The following UMPS variants were observed in gnomAD, a reference collection of about 807,000 sequenced individuals.
The protein encoded by UMPS is uridine 5'-monophosphate synthase.
UMPS carries 21 observed loss-of-function variants against 38.9 expected under a neutral mutation model. The ratio of observed to expected loss-of-function variants is 0.54; its 90% CI spans 0.38 to 0.78. The LOEUF (loss-of-function observed/expected upper bound fraction) is 0.78. Ranked by LOEUF, UMPS falls within the 30% of genes least tolerant of loss-of-function variation. The pLI, the probability that UMPS is intolerant of heterozygous loss-of-function variation, is 0.00. For missense variants in UMPS, 533 were observed against 591.6 expected (o/e 0.90, Z 1.03); for synonymous variants, 208 against 219.3 (o/e 0.95, Z 0.45).
chr3:124,742,410 A>G (rs1199646619), intron 5 of UMPS, 144 bp downstream of exon 5: 3 of 682,426 alleles, frequency 4.4e-6, no homozygotes, highest in Admixed American at 2.4e-5. Flanking sequence ...TTTGGTAACT[A>G]TGTATCTTTG....
At chr3:124,732,368 G>A (rs767728619) in intron 1 of UMPS, 7 of 154,740 alleles carry the variant, frequency 4.5e-5, no homozygotes, top group Non-Finnish European at 8.8e-5. Flanking sequence ...GTCAATATAA[G>A]GAAAATTTTT....
chr3:124,738,152 A>T lies in UMPS; in HGVS notation c.895A>T (p.Ile299Leu), dbSNP rs1437561179. 11 of 1,614,126 alleles carry T rather than the reference A, an allele frequency of 6.8e-6. No homozygotes were observed. The highest frequency in any genetic ancestry group is 1.3e-5 in the African/African-American group (1 of 74,948). Reference sequence around the variant, plus strand: ...TACTCTGGATGTGATGAAGGAGTTGATAACTCTGGCAAAATGCCATGAGTT... The same window carrying T: ...TACTCTGGATGTGATGAAGGAGTTGTTAACTCTGGCAAAATGCCATGAGTT... ...DFTLDVMKELITLAKCHEFLI... is the reference protein window; with the variant it reads ...DFTLDVMKELLTLAKCHEFLI... The change falls in exon 3 of 6, where the codon ATA (isoleucine) becomes TTA (leucine). Residue 299 changes from isoleucine (I) to leucine (L), a missense_variant. Ile to Leu is a conservative substitution (Grantham distance 5). Coordinates refer to ENST00000232607, the MANE Select transcript of UMPS (RefSeq NM_000373.4).
Position 124,744,774 on chromosome 3 carries a change from C to T in UMPS, c.*690C>T, listed in dbSNP as rs745742931. The T allele has an allele frequency of 8.8e-6, 4 of 454,110 alleles. No homozygotes were observed. The highest frequency in any genetic ancestry group is 6.2e-5 in the South Asian group (4 of 64,470). 28.1% of individuals were successfully genotyped at this position (454,110 alleles called of 1,614,324 possible). ...AAAGTCAGCACAGCTTTTCTTGTGT[C>T]CTGTATTCTCTGTCTAATGTGTTGC... On this transcript the variant is annotated 3_prime_UTR_variant, in exon 6 of 6. Coordinates refer to ENST00000232607, the MANE Select transcript of UMPS (RefSeq NM_000373.4).
At chr3:124,735,027 T>TA (rs1302406095) in intron 1 of UMPS, 66 bp from the exon 2 acceptor site, 3 of 1,431,866 alleles carry the variant, frequency 2.1e-6, no homozygotes, top group Non-Finnish European at 2.8e-6. Flanking sequence ...TCTCAAAAAA[T>TA]AAAAAATATA....
At position 124,747,454 on chromosome 3, in the gene UMPS, A is replaced by G. The variant is rs1270343822; in HGVS notation, c.*3370A>G. 1 of 454,088 alleles carries G rather than the reference A, an allele frequency of 2.2e-6. No homozygotes were observed. Among genetic ancestry groups the G allele is most frequent in the Admixed American group, 2.3e-5 (1 of 42,580 alleles). The allele number at this position is 454,088 out of a possible 1,614,324, so 28.1% of individuals were successfully genotyped here. A position where few individuals can be genotyped will look rare whatever the true frequency, so the allele number is the denominator to read the frequency against. ...AGTACCAGTTCCGAGCCTGAACCCA[A>G]ACTCTCGTGTTTCTGCTCACCCCTC... On this transcript the variant is annotated 3_prime_UTR_variant, in exon 6 of 6. Transcript: ENST00000232607.
intron 2 of UMPS, among the ~76,000 whole-genome samples, chr3:124,736,695 G>A (rs970280540): frequency 1.3e-5 from 2 of 152,152 alleles, no homozygotes; most frequent in African/African-American, 4.8e-5. Context: ...CTGTTTCTAT[G>A]AAATTATGCA....
intron 3 of UMPS, 142 bp from the exon 4 acceptor site, chr3:124,739,882 T>A: frequency 1.2e-6 from 1 of 812,004 alleles, no homozygotes; most frequent in South Asian, 1.5e-5. Flanking sequence ...CTGCTGATAA[T>A]CACTAAAGTT....
Position 124,740,278 on chromosome 3 carries a change from C to T in UMPS, c.1158+79C>T, listed in dbSNP as rs2063547918. 21 of 1,432,018 alleles carry T rather than the reference C, an allele frequency of 1.5e-5. No individual in the cohort carries two copies. In the South Asian group the frequency reaches 2.2e-4, roughly 15 times the overall value. The allele number at this position is 1,432,018 out of a possible 1,614,324, so 88.7% of individuals were successfully genotyped here. A position where few individuals can be genotyped will look rare whatever the true frequency, so the allele number is the denominator to read the frequency against. ...TGCAAGAAGATATCTCCTAATCTGG[C>T]GTTTCTGGAACCTCTGCCAAAAAAA... On this transcript the variant is annotated intron_variant, in intron 4 of 5. Coordinates refer to ENST00000232607, the MANE Select transcript of UMPS (RefSeq NM_000373.4).
chr3:124,734,852 C>T (rs1363094603), intron 1 of UMPS, among the ~76,000 whole-genome samples: 2 of 152,022 alleles, frequency 1.3e-5, no homozygotes, highest in African/African-American at 4.8e-5. Flanking sequence ...AACCCCATCT[C>T]TACTAAAAAT....
Position 124,748,179 on chromosome 3 carries a change from C to G in UMPS, c.*4095C>G. On this transcript the variant is annotated 3_prime_UTR_variant, in exon 6 of 6. Transcript: ENST00000232607. ...TCCTTAGCTCAAGTGATCCTCCTGC[C>G]TTGGCTTCCCAAAGTGCTAGGATTA... The G allele has an allele frequency of 4.4e-6, 2 of 452,110 alleles. No individual in the cohort carries two copies. The highest frequency in any genetic ancestry group is 3.1e-5 in the South Asian group (2 of 63,812). 28.0% of individuals were successfully genotyped at this position (452,110 alleles called of 1,614,324 possible).
chr3:124,742,575 C>A (rs950164883), intron 5 of UMPS: 17 of 313,402 alleles, frequency 5.4e-5, no homozygotes, highest in Admixed American at 4.6e-4. Flanking sequence ...TACTTATAAG[C>A]CCTTATTCGT....
At position 124,744,024 on chromosome 3, in the gene UMPS, A is replaced by G; in HGVS notation, c.1383A>G (p.Glu461=). The G allele has an allele frequency of 1.2e-6, 2 of 1,614,262 alleles. No individual in the cohort carries two copies. Among genetic ancestry groups the G allele is most frequent in the Non-Finnish European group, 1.7e-6 (2 of 1,180,048 alleles). ...RGIISAADRL[E]AAEMYRKAAW... is the part of the protein sequence containing the mutation. ...TAATCTCAGCAGCTGATCGTCTGGA[A>G]GCAGCAGAGATGTACAGAAAAGCTG... Residue 461 remains glutamate (E), a synonymous_variant, in exon 6 of 6, where the codon GAA becomes GAG. Transcript: ENST00000232607.
chr3:124,738,521 G>T (rs546825285), intron 3 of UMPS: 72 of 396,726 alleles, frequency 1.8e-4, no homozygotes, highest in African/African-American at 1.4e-3. Flanking sequence ...ACTAGCCTGG[G>T]CAATTTGCTC....
At chr3:124,743,207 G>A (rs563936185) in intron 5 of UMPS, among the ~76,000 whole-genome samples, 2 of 152,204 alleles carry the variant, frequency 1.3e-5, no homozygotes, top group Admixed American at 6.5e-5. Context: ...GGTGGTGCAC[G>A]CTTTTAATCC....
In UMPS at chr3:124,730,570, C is replaced by G; in HGVS notation, c.99C>G (p.Ser33=). 1.2e-6 allele frequency: 2 copies of G among 1,613,874 alleles called. No individual in the cohort carries two copies. The highest frequency in any genetic ancestry group is 1.7e-6 in the Non-Finnish European group (2 of 1,179,772). The change falls in exon 1 of 6, where the codon TCC becomes TCG. Residue 33 remains serine (S), a synonymous_variant. Transcript: ENST00000232607. ...ACTTCGTGCTGAAGAGCGGGCTTTC[C>G]TCCCCCATCTACATCGATCTGCGGG... ...FGDFVLKSGL[S]SPIYIDLRGI... is the part of the protein sequence containing the mutation.
intron 2 of UMPS, among the ~76,000 whole-genome samples, chr3:124,736,979 A>G (rs1003107829): frequency 2.0e-5 from 3 of 152,244 alleles, no homozygotes; most frequent in African/African-American, 7.2e-5. Context: ...TGTCTTCAAA[A>G]AGTCAATTAT....
In UMPS at chr3:124,745,914, C is replaced by T; in HGVS notation, c.*1830C>T. 2 of 454,060 alleles carry T rather than the reference C, an allele frequency of 4.4e-6. No homozygotes were observed. The highest frequency in any genetic ancestry group is 8.8e-6 in the Non-Finnish European group (2 of 226,764). 28.1% of individuals were successfully genotyped at this position (454,060 alleles called of 1,614,324 possible). A position where few individuals can be genotyped will look rare whatever the true frequency, so the allele number is the denominator to read the frequency against. On this transcript the variant is annotated 3_prime_UTR_variant, in exon 6 of 6. Transcript: ENST00000232607. Reference sequence around the variant, plus strand: ...GTATCAGAGTCACCTGGAGTCTTGTCAAAACAGGTACCAGCCCCACCCGCA... The same window carrying T: ...GTATCAGAGTCACCTGGAGTCTTGTTAAAACAGGTACCAGCCCCACCCGCA...
In UMPS at chr3:124,738,171, A is replaced by G. The variant is rs1403897947; in HGVS notation, c.914A>G (p.His305Arg). The G allele has an allele frequency of 1.9e-6, 3 of 1,614,114 alleles. No individual in the cohort carries two copies. The highest frequency in any genetic ancestry group is 1.7e-5 in the Admixed American group (1 of 60,008). Residue 305 changes from histidine to arginine, a missense_variant, in exon 3 of 6, where the codon CAT becomes CGT. His to Arg is a conservative substitution (Grantham distance 29). Transcript: ENST00000232607. ...GAGTTGATAACTCTGGCAAAATGCC[A>G]TGAGTTCTTGATATTTGAAGACCGG... ...MKELITLAKC[H>R]EFLIFEDRKF... is the part of the protein sequence containing the mutation.
At position 124,748,964 on chromosome 3, in the gene UMPS, G is replaced by C. The variant is rs1005267010; in HGVS notation, c.*4880G>C. ...GAAGTGGACGGGCCGCACAACCAAG[G>C]TTCTCATGAGGACAACCATGTCTTC... On this transcript the variant is annotated 3_prime_UTR_variant, in exon 6 of 6. Coordinates refer to ENST00000232607, the MANE Select transcript of UMPS (RefSeq NM_000373.4). 2.2e-6 allele frequency: 1 copy of C among 454,014 alleles called. No individual in the cohort carries two copies. The highest frequency in any genetic ancestry group is 4.4e-6 in the Non-Finnish European group (1 of 226,724). 28.1% of individuals were successfully genotyped at this position (454,014 alleles called of 1,614,324 possible).
Sources: allele counts gnomAD v4.1 joint callset (sites outside exome capture counted in the v4.1 genomes callset), GRCh38; gene constraint gnomAD v4.1.1; transcripts MANE v1.5; gene names NCBI Gene and HGNC (gene_info 2026-07-23, HGNC 2026-07-21).